Variants in TTC29 observed in about 807,000 individuals in gnomAD.
TTC29 encodes tetratricopeptide repeat protein 29.
In TTC29, 49 loss-of-function variants were observed where a neutral mutation model predicts 58.1. The ratio of observed to expected loss-of-function variants is 0.84; its 90% confidence interval spans 0.67 to 1.07. The LOEUF (loss-of-function observed/expected upper bound fraction) is 1.07. Ranked by LOEUF, TTC29 falls within the 50% of genes least tolerant of loss-of-function variation. The probability of loss-of-function intolerance (pLI) is 0.00; values close to 1 mark genes in which losing one functional copy is unlikely to be tolerated. For synonymous variants in TTC29, 209 were observed against 196.8 expected (o/e 1.06, Z -0.52); for missense variants, 582 against 555.6 (o/e 1.05, Z -0.48).
intron 6 of TTC29, among the ~76,000 whole-genome samples, chr4:146,888,420 C>T (rs533373405): frequency 2.6e-5 from 4 of 152,120 alleles, no homozygotes; most frequent in Non-Finnish European, 4.4e-5. Context: ...CAGCCCTGGG[C>T]TTCCTATGCT....
At chr4:146,726,262 T>C (rs1246983888) in intron 11 of TTC29, among the ~76,000 whole-genome samples, 3 of 152,090 alleles carry the variant, frequency 2.0e-5, no homozygotes, top group Non-Finnish European at 4.4e-5. Flanking sequence ...CAGACCAGCC[T>C]GGACAAATGG....
At chr4:146,812,300 T>C (rs920797900) in intron 10 of TTC29, among the ~76,000 whole-genome samples, 1 of 152,196 alleles carries the variant, frequency 6.6e-6, no homozygotes, top group Non-Finnish European at 1.5e-5. Context: ...CAATTATTTA[T>C]TGTTTTAGGT....
chr4:146,877,516 C>G (rs773353323), intron 6 of TTC29, among the ~76,000 whole-genome samples: 3 of 152,142 alleles, frequency 2.0e-5, no homozygotes, highest in Non-Finnish European at 4.4e-5. Flanking sequence ...CCACGTAGCA[C>G]CTCTTGCCAG....
rs1259472512 is a variant in TTC29 at position 146,820,626 on chromosome 4, C to A, written c.978-378G>T. ...AAGTCATATACATGAAAGTTCATAG[C>A]AGCATTATTCATAATAGCCAAGGCA... On this transcript the variant is annotated intron_variant, in intron 9 of 12. Transcript: ENST00000325106. 5.3e-5 allele frequency among the ~76,000 whole-genome samples: 8 copies of A among 152,158 alleles called. No homozygotes were observed. The East Asian group carries it at 1.5e-3, about 29-fold the overall frequency.
At chr4:146,939,927 G>A (rs1448566540) in intron 2 of TTC29, 26 bp from the exon 3 acceptor site, 1 of 1,573,376 alleles carries the variant, frequency 6.4e-7, no homozygotes. Flanking sequence ...AGTAGAAATT[G>A]TATTTTAAGG....
At chr4:146,729,547 A>G (rs1319128780) in intron 11 of TTC29, among the ~76,000 whole-genome samples, 1 of 152,118 alleles carries the variant, frequency 6.6e-6, no homozygotes, top group Non-Finnish European at 1.5e-5. Flanking sequence ...CTGCTCTGTG[A>G]AATCAGATGT....
At chr4:146,707,356 A>C in intron 12 of TTC29, 129 bp downstream of exon 12, 1 of 778,604 alleles carries the variant, frequency 1.3e-6, no homozygotes, top group Non-Finnish European at 2.0e-6. Flanking sequence ...TTTTTAAAGC[A>C]GTGTTTCACT....
At chr4:146,914,039 A>T (rs1415814081) in intron 4 of TTC29, among the ~76,000 whole-genome samples, 1 of 152,190 alleles carries the variant, frequency 6.6e-6, no homozygotes, top group East Asian at 1.9e-4. Flanking sequence ...CAAATATGCT[A>T]CTGTTTAAGC....
intron 11 of TTC29, among the ~76,000 whole-genome samples, chr4:146,799,878 C>T (rs1209313592): frequency 2.0e-5 from 3 of 152,128 alleles, no homozygotes; most frequent in African/African-American, 7.2e-5. Context: ...GGTCTGAGAT[C>T]TCCAAAAGGC....
intron 4 of TTC29, among the ~76,000 whole-genome samples, chr4:146,914,112 T>C (rs1382243007): frequency 4.6e-5 from 7 of 152,132 alleles, no homozygotes; most frequent in Non-Finnish European, 7.4e-5. Context: ...TAGGTTCCTA[T>C]CTAAACCTTC....
At position 146,847,760 on chromosome 4, in the gene TTC29, C is replaced by T. The variant is rs937097002; in HGVS notation, c.886-13863G>A. On this transcript the variant is annotated intron_variant, in intron 8 of 12. Transcript: ENST00000325106. Reference sequence around the variant, plus strand: ...ACAAGGCTGGGGACCAGGGTAAGTACAAATGCATCGAAAGTTCAGAAGTGC... The same window carrying T: ...ACAAGGCTGGGGACCAGGGTAAGTATAAATGCATCGAAAGTTCAGAAGTGC... Among the ~76,000 whole-genome samples, 82 of 152,290 alleles carry T rather than the reference C, an allele frequency of 5.4e-4. 1 individual carries two copies. The highest frequency in any genetic ancestry group is 1.9e-3 in the African/African-American group (79 of 41,564).
intron 8 of TTC29, among the ~76,000 whole-genome samples, chr4:146,855,205 G>A (rs1184091828): frequency 6.6e-6 from 1 of 152,132 alleles, no homozygotes; most frequent in Non-Finnish European, 1.5e-5. Flanking sequence ...GACTGAGGCA[G>A]GTGAATCACT....
chr4:146,881,581 C>T (rs529876376), intron 6 of TTC29, among the ~76,000 whole-genome samples: 188 of 152,104 alleles, frequency 1.2e-3, no homozygotes, highest in African/African-American at 4.3e-3. Context: ...AATGTTATTG[C>T]CCCTTTGCAA....
chr4:146,872,274 T>C (rs941302150), intron 7 of TTC29, among the ~76,000 whole-genome samples: 5 of 152,012 alleles, frequency 3.3e-5, no homozygotes, highest in East Asian at 1.9e-4. Flanking sequence ...AGATTAAATA[T>C]AGTTAAAACT....
At chr4:146,791,645 C>CTT (rs980200072) in intron 11 of TTC29, among the ~76,000 whole-genome samples, 3 of 152,144 alleles carry the variant, frequency 2.0e-5, no homozygotes, top group African/African-American at 4.8e-5. Context: ...ATAACTCTCA[C>CTT]TTTAAATCAA....
intron 9 of TTC29, among the ~76,000 whole-genome samples, chr4:146,821,620 T>C (rs1349647621): frequency 6.6e-6 from 1 of 152,174 alleles, no homozygotes; most frequent in Non-Finnish European, 1.5e-5. Context: ...CATTAATACA[T>C]TTTTCAATGA....
At chr4:146,738,171 G>T (rs922968572) in intron 11 of TTC29, among the ~76,000 whole-genome samples, 6 of 152,162 alleles carry the variant, frequency 3.9e-5, no homozygotes, top group Non-Finnish European at 8.8e-5. Context: ...AGAATCTAAT[G>T]TTCCTTTTAA....
chr4:146,719,655 GA>G (rs1005306185), intron 11 of TTC29, among the ~76,000 whole-genome samples: 1 of 152,030 alleles, frequency 6.6e-6, no homozygotes, highest in Non-Finnish European at 1.5e-5. Flanking sequence ...CAGCAGTTAA[GA>G]AAAAAGTCAC....
chr4:146,728,752 G>A (rs1743987392), intron 11 of TTC29, among the ~76,000 whole-genome samples: 1 of 68,238 alleles, frequency 1.5e-5, no homozygotes, highest in Non-Finnish European at 3.5e-5. Flanking sequence ...CTGTCCAGAG[G>A]ATATATGTAC....
Sources: allele counts gnomAD v4.1 joint callset (sites outside exome capture counted in the v4.1 genomes callset), GRCh38; gene constraint gnomAD v4.1.1; transcripts MANE v1.5; gene names NCBI Gene and HGNC (gene_info 2026-07-23, HGNC 2026-07-21).